Variants in SYN3 observed in about 807,000 individuals in gnomAD.
SYN3 encodes synapsin-3.
A neutral mutation model predicts 65.8 loss-of-function variants in SYN3; 35 were observed. That is an observed-to-expected ratio of 0.53 (90% CI 0.41 to 0.70). The LOEUF (loss-of-function observed/expected upper bound fraction) is 0.70, where lower values mean the gene tolerates loss of function less well. Among genes scored for constraint, SYN3 ranks in the 30% least tolerant of loss-of-function variants. The probability of loss-of-function intolerance (pLI) is 0.00; values close to 1 mark genes in which losing one functional copy is unlikely to be tolerated. For synonymous variants in SYN3, 270 were observed against 292.9 expected (o/e 0.92, Z 0.80); for missense variants, 680 against 749.0 (o/e 0.91, Z 1.08).
At chr22:32,683,812 G>A (rs2060555124) in intron 6 of SYN3, among the ~76,000 whole-genome samples, 1 of 152,038 alleles carries the variant, frequency 6.6e-6, no homozygotes, top group South Asian at 2.1e-4. Flanking sequence ...TGTGTGTTGG[G>A]GGGAATACAA....
At chr22:32,958,081 GACA>G (rs2051523401) in intron 3 of SYN3, among the ~76,000 whole-genome samples, 1 of 152,176 alleles carries the variant, frequency 6.6e-6, no homozygotes, top group Non-Finnish European at 1.5e-5. Context: ...GCACTTCTGA[GACA>G]ACAACATGCT....
At chr22:32,935,174 A>G (rs1356068067) in intron 3 of SYN3, among the ~76,000 whole-genome samples, 1 of 152,160 alleles carries the variant, frequency 6.6e-6, no homozygotes, top group Non-Finnish European at 1.5e-5. Context: ...TATCATATTC[A>G]AAGTCACCAG....
intron 6 of SYN3, among the ~76,000 whole-genome samples, chr22:32,638,528 A>T (rs1164864591): frequency 1.3e-5 from 2 of 152,202 alleles, no homozygotes; most frequent in East Asian, 3.8e-4. Context: ...ATGGTATCTC[A>T]TGGCGGTTTT....
At chr22:32,520,048 T>C (rs1356805294) in intron 12 of SYN3, among the ~76,000 whole-genome samples, 1 of 152,172 alleles carries the variant, frequency 6.6e-6, no homozygotes, top group Admixed American at 6.5e-5. Context: ...CATGTATAAT[T>C]ACACATTTTC....
chr22:32,865,178 C>T (rs1411275995), intron 5 of SYN3, among the ~76,000 whole-genome samples, 174 bp from the exon 6 acceptor site: 1 of 152,194 alleles, frequency 6.6e-6, no homozygotes, highest in African/African-American at 2.4e-5. Flanking sequence ...TTCATCCTCT[C>T]CATCATCTAG....
At chr22:33,015,445 A>G (rs1258698486) in intron 1 of SYN3, 2 of 269,264 alleles carry the variant, frequency 7.4e-6, no homozygotes, top group Non-Finnish European at 1.6e-5. Context: ...TGTTATTCAG[A>G]TATCAACAAA....
chr22:32,535,856 A>G (rs2058157013), intron 9 of SYN3, among the ~76,000 whole-genome samples: 2 of 152,024 alleles, frequency 1.3e-5, no homozygotes, highest in Admixed American at 1.3e-4. Context: ...TTTGCCCAGG[A>G]GTCAGGCCAC....
intron 4 of SYN3, among the ~76,000 whole-genome samples, chr22:32,899,044 G>A (rs978844820): frequency 8.8e-5 from 13 of 147,386 alleles, no homozygotes; most frequent in Non-Finnish European, 1.8e-4. Context: ...GGAGGTTGCT[G>A]TGAGCTGAGA....
intron 13 of SYN3, chr22:32,514,655 G>A (rs1156765371): frequency 6.6e-6 from 1 of 152,312 alleles, no homozygotes; most frequent in African/African-American, 2.4e-5. Context: ...ACAGACCTAG[G>A]AAGAGATTAT....
chr22:32,518,494 G>A, intron 12 of SYN3, 160 bp from the exon 13 acceptor site: 2 of 849,956 alleles, frequency 2.4e-6, no homozygotes, highest in Non-Finnish European at 3.8e-6. Flanking sequence ...GAAGTAATTA[G>A]GAACATTAAG....
chr22:32,939,354 A>T (rs931138148), intron 3 of SYN3, among the ~76,000 whole-genome samples: 4 of 152,226 alleles, frequency 2.6e-5, no homozygotes, highest in African/African-American at 7.2e-5. Context: ...TTTAAACCAT[A>T]GAACAGTGCC....
chr22:32,526,566 A>C (rs2057980299), intron 12 of SYN3, among the ~76,000 whole-genome samples: 1 of 151,976 alleles, frequency 6.6e-6, no homozygotes, highest in Non-Finnish European at 1.5e-5. Flanking sequence ...CCCAGGGTGG[A>C]GTGCAGTGGC....
chr22:32,999,246 G>A (rs756569570), intron 2 of SYN3, among the ~76,000 whole-genome samples: 1 of 152,158 alleles, frequency 6.6e-6, no homozygotes, highest in Non-Finnish European at 1.5e-5. Flanking sequence ...TCAGAAGAGG[G>A]GACACCTGAG....
At chr22:32,767,646 A>G (rs777635545) in intron 6 of SYN3, among the ~76,000 whole-genome samples, 22 of 152,186 alleles carry the variant, frequency 1.4e-4, no homozygotes, top group South Asian at 8.3e-4. Flanking sequence ...TTGAACTTAC[A>G]TTGTTGCAGA....
At chr22:33,000,614 G>T (rs2053030232) in intron 2 of SYN3, among the ~76,000 whole-genome samples, 1 of 152,180 alleles carries the variant, frequency 6.6e-6, no homozygotes, top group South Asian at 2.1e-4. Flanking sequence ...TTCCTGAGAA[G>T]GGCTGAGAAG....
chr22:32,836,618 G>A (rs1029307343), intron 6 of SYN3, among the ~76,000 whole-genome samples: 25 of 152,140 alleles, frequency 1.6e-4, no homozygotes, highest in African/African-American at 5.1e-4. Context: ...GTATGGGCTC[G>A]TTTTTCTCGT....
chr22:32,962,129 C>CTCTTT (rs1164668712), intron 3 of SYN3, among the ~76,000 whole-genome samples: 5 of 107,184 alleles, frequency 4.7e-5, no homozygotes, highest in African/African-American at 1.1e-4. Flanking sequence ...TTTAGAATCT[C>CTCTTT]TTTTTTTTTT....
chr22:32,820,389 C>T (rs1298407506), intron 6 of SYN3, among the ~76,000 whole-genome samples: 5 of 150,690 alleles, frequency 3.3e-5, no homozygotes, highest in South Asian at 2.1e-4. Context: ...GTGTGTTCTA[C>T]TCCGTGTGTG....
intron 12 of SYN3, among the ~76,000 whole-genome samples, chr22:32,525,552 T>C (rs2057961966): frequency 1.3e-5 from 2 of 151,656 alleles, no homozygotes; most frequent in South Asian, 4.2e-4. Context: ...CTAAAAAATA[T>C]ACAAAAAATT....
Sources: gnomAD v4.1 joint callset for allele counts (sites outside exome capture counted in the v4.1 genomes callset) on GRCh38, gnomAD v4.1.1 for gene constraint, MANE v1.5 for transcripts, NCBI Gene and HGNC (gene_info 2026-07-23, HGNC 2026-07-21) for gene names.